LRRIQ3: variants seen among roughly 807,000 people sequenced by gnomAD.
LRRIQ3 encodes the protein leucine rich repeats and IQ motif containing 3, also known as leucine-rich repeat and IQ domain-containing protein 3.
A neutral mutation model predicts 59.3 loss-of-function variants in LRRIQ3; 75 were observed. That is an observed-to-expected ratio of 1.26 (90% CI 1.05 to 1.53). The LOEUF (loss-of-function observed/expected upper bound fraction) is 1.53, where lower values mean the gene tolerates loss of function less well. Ranked by LOEUF, LRRIQ3 falls within the 40% of genes most tolerant of loss-of-function variation. The pLI is 0.00. For missense variants in LRRIQ3, 831 were observed against 710.0 expected (o/e 1.17, Z -1.94); for synonymous variants, 250 against 231.3 (o/e 1.08, Z -0.73).
chr1:74,096,082 G>A (rs910916862), intron 5 of LRRIQ3, among the ~76,000 whole-genome samples: 39 of 151,714 alleles, frequency 2.6e-4, no homozygotes, highest in Admixed American at 2.6e-3. Flanking sequence ...TTATAAAACA[G>A]AACTATATTT....
intron 5 of LRRIQ3, among the ~76,000 whole-genome samples, chr1:74,104,829 AATG>A (rs1646586474): frequency 1.3e-5 from 2 of 152,064 alleles, no homozygotes; most frequent in African/African-American, 4.8e-5. Context: ...TTTAGGTGAT[AATG>A]ATGTGTCAGT....
intron 6 of LRRIQ3, among the ~76,000 whole-genome samples, chr1:74,044,973 C>A (rs775350795): frequency 6.6e-6 from 1 of 152,078 alleles, no homozygotes; most frequent in Admixed American, 6.6e-5. Context: ...TAATTAATAG[C>A]CTACCAACCA....
chr1:74,127,481 C>A (rs1482741452), intron 4 of LRRIQ3, among the ~76,000 whole-genome samples: 1 of 151,528 alleles, frequency 6.6e-6, no homozygotes, highest in African/African-American at 2.4e-5. Context: ...GTGTGTGTAT[C>A]TGCTGTATTT....
intron 5 of LRRIQ3, among the ~76,000 whole-genome samples, chr1:74,085,313 T>C (rs867186774): frequency 3.0e-5 from 3 of 100,974 alleles, no homozygotes; most frequent in East Asian, 2.9e-4. Context: ...CTATGCTAAG[T>C]ACATGGTGGC....
At chr1:74,050,742 C>T (rs1366556167) in intron 6 of LRRIQ3, among the ~76,000 whole-genome samples, 1 of 152,096 alleles carries the variant, frequency 6.6e-6, no homozygotes, top group Non-Finnish European at 1.5e-5. Flanking sequence ...AAGCAAAGAA[C>T]AGGAAAATAA....
Position 74,031,353 on chromosome 1 carries a change from G to T in LRRIQ3, c.1719-4384C>A, listed in dbSNP as rs868167428. ...CACTATTCACAAAAGCAAAGACTTG[G>T]AACTAACCCAGATGTCCAACAATGA... On this transcript the variant is annotated intron_variant, in intron 7 of 7. Transcript: ENST00000354431. 3.4e-4 allele frequency among the ~76,000 whole-genome samples: 52 copies of T among 152,238 alleles called. 1 individual carries two copies. In the South Asian group the frequency reaches 6.2e-3, roughly 18 times the overall value.
chr1:74,143,791 G>A (rs1647382046), intron 4 of LRRIQ3, among the ~76,000 whole-genome samples: 1 of 150,932 alleles, frequency 6.6e-6, no homozygotes, highest in South Asian at 2.1e-4. Flanking sequence ...AGGTAGCTAA[G>A]GTAACTACTC....
At chr1:74,042,969 A>G (rs945399606) in intron 6 of LRRIQ3, among the ~76,000 whole-genome samples, 4 of 152,124 alleles carry the variant, frequency 2.6e-5, no homozygotes, top group African/African-American at 9.7e-5. Flanking sequence ...CACTTGTTGA[A>G]AAAACTTCTC....
At chr1:74,037,207 A>G (rs941078397) in intron 7 of LRRIQ3, among the ~76,000 whole-genome samples, 1 of 152,206 alleles carries the variant, frequency 6.6e-6, no homozygotes, top group African/African-American at 2.4e-5. Context: ...GAATAATACA[A>G]AGACTTGATT....
intron 4 of LRRIQ3, among the ~76,000 whole-genome samples, chr1:74,126,696 T>C (rs1646940347): frequency 6.6e-6 from 1 of 151,930 alleles, no homozygotes; most frequent in South Asian, 2.1e-4. Flanking sequence ...TTTTATTCCA[T>C]TGTCATCAGA....
At chr1:74,122,329 C>A (rs1646871317) in intron 4 of LRRIQ3, among the ~76,000 whole-genome samples, 1 of 152,088 alleles carries the variant, frequency 6.6e-6, no homozygotes. Context: ...CTCTGATGGC[C>A]AGTGATGATG....
chr1:74,136,528 T>C (rs569071532), intron 4 of LRRIQ3, among the ~76,000 whole-genome samples: 128 of 151,944 alleles, frequency 8.4e-4, no homozygotes, highest in Middle Eastern at 6.8e-3. Flanking sequence ...CAAGAATCCA[T>C]AAAGAAGAAA....
At chr1:74,156,854 TA>T (rs139374774) in intron 3 of LRRIQ3, among the ~76,000 whole-genome samples, 2,191 of 152,250 alleles carry the variant, frequency 0.014, 57 homozygotes, top group African/African-American at 0.05. Flanking sequence ...CTTGACTGGT[TA>T]GAAATAAGGT....
intron 5 of LRRIQ3, chr1:74,094,969 A>G (rs10749829): frequency 0.82 from 124,258 of 152,084 alleles, 52,682 homozygotes; most frequent in East Asian, 0.97. Context: ...CATTTGGATG[A>G]TCTTAATGAG....
chr1:74,187,353 T>TATACACACAC (rs72216884), intron 1 of LRRIQ3, among the ~76,000 whole-genome samples: 1 of 55,300 alleles, frequency 1.8e-5, no homozygotes, highest in African/African-American at 4.8e-5. Context: ...GGTATATGTT[T>TATACACACAC]ACACACACAC....
intron 4 of LRRIQ3, among the ~76,000 whole-genome samples, chr1:74,154,820 TTC>T (rs1648225037): frequency 6.6e-6 from 1 of 152,228 alleles, no homozygotes; most frequent in Non-Finnish European, 1.5e-5. Flanking sequence ...TGAGATTATG[TTC>T]TCTCATATTT....
intron 5 of LRRIQ3, among the ~76,000 whole-genome samples, chr1:74,097,447 A>C (rs1242112085): frequency 2.0e-5 from 3 of 152,170 alleles, no homozygotes; most frequent in Non-Finnish European, 4.4e-5. Context: ...CCTAAAAGTG[A>C]CAAGGAGAAT....
chr1:74,050,953 G>T (rs946249876), intron 6 of LRRIQ3, among the ~76,000 whole-genome samples: 2 of 152,098 alleles, frequency 1.3e-5, no homozygotes, highest in Non-Finnish European at 2.9e-5. Flanking sequence ...ACTTATCTAA[G>T]ATATGGTATA....
chr1:74,174,649 C>G (rs1379830870), intron 3 of LRRIQ3, among the ~76,000 whole-genome samples: 1 of 151,790 alleles, frequency 6.6e-6, no homozygotes, highest in Non-Finnish European at 1.5e-5. Flanking sequence ...CTGCCTTGGC[C>G]TCTGAAAGTG....
Sources: gnomAD v4.1 joint callset for allele counts (sites outside exome capture counted in the v4.1 genomes callset) on GRCh38, gnomAD v4.1.1 for gene constraint, MANE v1.5 for transcripts, NCBI Gene and HGNC (gene_info 2026-07-23, HGNC 2026-07-21) for gene names.